Variants in NELL2 observed in about 807,000 individuals in gnomAD.
NELL2 encodes neural EGFL like 2, also known as protein kinase C-binding protein NELL2.
NELL2 carries 41 observed loss-of-function variants against 109.6 expected under a neutral mutation model. The observed-to-expected ratio is 0.37, with a 90% confidence interval of 0.29 to 0.49. The LOEUF (loss-of-function observed/expected upper bound fraction) is 0.49. NELL2 is among the 20% of genes least tolerant of loss of function. The pLI, the probability that NELL2 is intolerant of heterozygous loss-of-function variation, is 0.98. For synonymous variants in NELL2, 355 were observed against 344.7 expected, an observed-to-expected ratio of 1.03 and a Z score of -0.33; for missense variants, 900 against 1,008.3, an observed-to-expected ratio of 0.89 and a Z score of 1.45.
At chr12:44,721,786 A>G (rs1289613833) in intron 9 of NELL2, among the ~76,000 whole-genome samples, 1 of 152,186 alleles carries the variant, frequency 6.6e-6, no homozygotes, top group Non-Finnish European at 1.5e-5. Flanking sequence ...ACATTGAAAA[A>G]GTGATTTTGC....
intron 15 of NELL2, among the ~76,000 whole-genome samples, chr12:44,551,295 G>A (rs570735657): frequency 3.3e-5 from 5 of 152,164 alleles, no homozygotes; most frequent in African/African-American, 4.8e-5. Flanking sequence ...GGTATCATTC[G>A]TTGTGTACCC....
intron 9 of NELL2, among the ~76,000 whole-genome samples, chr12:44,747,396 A>G (rs1566300797): frequency 6.6e-6 from 1 of 152,064 alleles, no homozygotes; most frequent in Non-Finnish European, 1.5e-5. Flanking sequence ...ACATGTATAC[A>G]TATGTAACAA....
chr12:44,573,882 G>A (rs1170842234), intron 15 of NELL2, among the ~76,000 whole-genome samples: 4 of 152,090 alleles, frequency 2.6e-5, no homozygotes, highest in Non-Finnish European at 5.9e-5. Context: ...CAGTTTCTAG[G>A]AGATTGCTCA....
At chr12:44,549,296 T>C (rs977762954) in intron 15 of NELL2, among the ~76,000 whole-genome samples, 1 of 152,126 alleles carries the variant, frequency 6.6e-6, no homozygotes, top group Non-Finnish European at 1.5e-5. Flanking sequence ...ATATGAGTGG[T>C]CAGGGTTTTT....
At chr12:44,902,732 C>T (rs1343723496) in intron 1 of NELL2, among the ~76,000 whole-genome samples, 1 of 152,038 alleles carries the variant, frequency 6.6e-6, no homozygotes, top group African/African-American at 2.4e-5. Flanking sequence ...AGAACAGAGG[C>T]CTTAGAAATA....
intron 15 of NELL2, among the ~76,000 whole-genome samples, chr12:44,534,494 G>C (rs554691185): frequency 6.6e-5 from 10 of 152,086 alleles, no homozygotes; most frequent in Non-Finnish European, 1.3e-4. Flanking sequence ...AACTGATGTG[G>C]ATTGTATCCA....
intron 14 of NELL2, 88 bp from the exon 15 acceptor site, chr12:44,607,352 G>T: frequency 1.1e-6 from 1 of 908,018 alleles, no homozygotes; most frequent in Non-Finnish European, 1.6e-6. Flanking sequence ...TCCCCTTGGA[G>T]ATGTAAACAT....
At chr12:44,809,641 C>G (rs1444578563) in intron 3 of NELL2, among the ~76,000 whole-genome samples, 1 of 152,022 alleles carries the variant, frequency 6.6e-6, no homozygotes, top group African/African-American at 2.4e-5. Flanking sequence ...GTTGGGAGGC[C>G]AAATGAAGCT....
At chr12:44,583,449 G>A (rs573076072) in intron 15 of NELL2, among the ~76,000 whole-genome samples, 80 of 152,146 alleles carry the variant, frequency 5.3e-4, no homozygotes, top group African/African-American at 1.9e-3. Flanking sequence ...TTTTCAACTA[G>A]GTCACTACTA....
At chr12:44,904,002 G>A (rs1285733143) in intron 1 of NELL2, among the ~76,000 whole-genome samples, 2 of 151,842 alleles carry the variant, frequency 1.3e-5, no homozygotes, top group African/African-American at 2.4e-5. Flanking sequence ...AAACCTGCAC[G>A]TTCTGCACAT....
chr12:44,781,308 T>A lies in NELL2; in HGVS notation c.336-1286A>T, dbSNP rs986642452. The stretch of plus-strand genomic sequence containing the variant: ...TGGAAGTGACTGTGAAAAGAATCAG[T>A]TATCTGGAAGACAGAAAAAAAAGCA... On this transcript the variant is annotated intron_variant, in intron 3 of 19. Coordinates refer to ENST00000429094, the MANE Select transcript of NELL2 (RefSeq NM_001145108.2). Among the ~76,000 whole-genome samples the A allele has an allele frequency of 2.6e-5, 4 of 151,508 alleles. No individual in the cohort carries two copies. In the South Asian group the frequency reaches 8.4e-4, roughly 32 times the overall value.
Position 44,779,840 on chromosome 12 carries a change from T to C in NELL2, c.509+9A>G. 1 of 1,613,680 alleles carries C rather than the reference T, an allele frequency of 6.2e-7. No homozygotes were observed. The highest frequency in any genetic ancestry group is 2.2e-5 in the East Asian group (1 of 44,880). ...CTTCCATTTCCTAAAATGAGGACAC[T>C]ACACTTACTTATTGCAGTCAATGTG... is the stretch of plus-strand genomic sequence containing the variant. On this transcript the variant is annotated intron_variant, in intron 4 of 19. Transcript: ENST00000429094.
At chr12:44,659,613 G>T (rs1413743813) in intron 13 of NELL2, among the ~76,000 whole-genome samples, 1 of 152,066 alleles carries the variant, frequency 6.6e-6, no homozygotes, top group Non-Finnish European at 1.5e-5. Flanking sequence ...CATCATCTCT[G>T]GTCATTAGTG....
At chr12:44,708,152 A>C (rs1472820473) in intron 11 of NELL2, among the ~76,000 whole-genome samples, 2 of 152,182 alleles carry the variant, frequency 1.3e-5, no homozygotes, top group Non-Finnish European at 2.9e-5. Context: ...TGAATCACTC[A>C]GTCTCTGTCA....
chr12:44,514,797 G>A (rs1941184324), intron 19 of NELL2, among the ~76,000 whole-genome samples: 1 of 151,172 alleles, frequency 6.6e-6, no homozygotes, highest in Admixed American at 6.6e-5. Context: ...TAATAACATG[G>A]AACTGTAGGA....
rs145143180 is a variant in NELL2, at chr12:44,558,976, G to A, written c.1664-26255C>T. Among the ~76,000 whole-genome samples, 932 of 152,246 alleles carry A rather than the reference G, an allele frequency of 6.1e-3. 8 individuals are homozygous for A. Among genetic ancestry groups the A allele is most frequent in the African/African-American group, 0.021 (872 of 41,544 alleles). The stretch of plus-strand genomic sequence containing the variant: ...AGTCTGAAGTCTACCTGGGAAGCTC[G>A]AGCTTGGTGGGGATAGGGGTGTCCA... On this transcript the variant is annotated intron_variant, in intron 15 of 19. Coordinates refer to ENST00000429094, the MANE Select transcript of NELL2 (RefSeq NM_001145108.2).
chr12:44,589,237 A>G (rs1187834681), intron 15 of NELL2, among the ~76,000 whole-genome samples: 18 of 151,680 alleles, frequency 1.2e-4, no homozygotes, highest in South Asian at 1.0e-3. Flanking sequence ...ATTTAAGCTT[A>G]CACTCATTCC....
intron 2 of NELL2, among the ~76,000 whole-genome samples, chr12:44,836,851 G>A (rs1197064866): frequency 2.6e-5 from 4 of 152,196 alleles, no homozygotes; most frequent in Non-Finnish European, 1.5e-5. Flanking sequence ...AGGTCTAGAA[G>A]AGAGATTTTT....
rs567106798 is a variant in NELL2, at chr12:44,611,727, G to A, written c.1445-757C>T. 7.2e-4 allele frequency among the ~76,000 whole-genome samples: 109 copies of A among 152,126 alleles called. 1 individual carries two copies. The highest frequency in any genetic ancestry group is 2.4e-3 in the African/African-American group (99 of 41,514). On this transcript the variant is annotated intron_variant, in intron 13 of 19. Transcript: ENST00000429094. ...TAACCATTTTCAAGGTGACTCAACG[G>A]TGGCTCAGAGTGTTTAAGTAGCCTG...
Sources: gnomAD v4.1 joint callset for allele counts (sites outside exome capture counted in the v4.1 genomes callset) on GRCh38, gnomAD v4.1.1 for gene constraint, MANE v1.5 for transcripts, NCBI Gene and HGNC (gene_info 2026-07-23, HGNC 2026-07-21) for gene names.